PCDH15: variants seen among roughly 807,000 people sequenced by gnomAD.
The protein encoded by PCDH15 is protocadherin-15.
In PCDH15, 129 loss-of-function variants were observed where a neutral mutation model predicts 178.5. That is an observed-to-expected ratio of 0.72 (90% confidence interval 0.63 to 0.84). The LOEUF (loss-of-function observed/expected upper bound fraction) is 0.84. Ranked by LOEUF, PCDH15 falls within the 40% of genes least tolerant of loss-of-function variation. PCDH15 has a pLI of 0.00. For synonymous variants in PCDH15, 800 were observed against 732.0 expected, an observed-to-expected ratio of 1.09 and a Z score of -1.50; for missense variants, 2,230 against 2,099.9, an observed-to-expected ratio of 1.06 and a Z score of -1.21.
Position 55,547,910 on chromosome 10 carries a change from T to TGAGAGA in PCDH15, c.-156+79709_-156+79714dup, listed in dbSNP as rs763752387. 2.4e-3 allele frequency among the ~76,000 whole-genome samples: 129 copies of TGAGAGA among 54,492 alleles called. 2 individuals carry two copies. Among genetic ancestry groups the TGAGAGA allele is most frequent in the Admixed American group, 2.3e-3 (11 of 4,752 alleles). The allele number at this position is 54,492 out of a possible 152,430, so 35.7% of individuals were successfully genotyped here. Reference sequence around the variant, plus strand: ...TGGTGTGTGTGTCTGTGTGTGTGTGTGAGAGAGAGAGAGAGAGAGAGAGAG... The same window carrying TGAGAGA: ...TGGTGTGTGTGTCTGTGTGTGTGTGTGAGAGAGAGAGAGAGAGAGAGAGAGAGAGAG... On this transcript the variant is annotated intron_variant, in intron 2 of 5. Coordinates refer to the PCDH15 transcript ENST00000613346.
chr10:55,464,827 C>A (rs895668702), intron 2 of PCDH15, among the ~76,000 whole-genome samples: 3 of 149,560 alleles, frequency 2.0e-5, no homozygotes, highest in Admixed American at 6.7e-5. Flanking sequence ...TTCATTTTAA[C>A]CCTACTTGTG....
At chr10:54,852,471 G>T (rs1367326528) in intron 3 of PCDH15, among the ~76,000 whole-genome samples, 1 of 152,080 alleles carries the variant, frequency 6.6e-6, no homozygotes, top group African/African-American at 2.4e-5. Flanking sequence ...TTATAGAAAA[G>T]GTTTCCCAGA....
At chr10:55,115,681 A>G (rs941744215) in intron 2 of PCDH15, among the ~76,000 whole-genome samples, 1 of 152,168 alleles carries the variant, frequency 6.6e-6, no homozygotes, top group African/African-American at 2.4e-5. Context: ...TGGGGACTTT[A>G]TAACATTGAG....
At chr10:54,494,255 A>G (rs2079901153) in intron 3 of PCDH15, among the ~76,000 whole-genome samples, 1 of 151,826 alleles carries the variant, frequency 6.6e-6, no homozygotes. Context: ...AATAAAAAGA[A>G]ACTCCCCCAC....
chr10:55,500,457 G>A (rs1348246213), intron 2 of PCDH15, among the ~76,000 whole-genome samples: 1 of 151,800 alleles, frequency 6.6e-6, no homozygotes, highest in Non-Finnish European at 1.5e-5. Flanking sequence ...CCTATTGAGT[G>A]TTGAAGTAAT....
chr10:54,315,420 T>TTGTAATTTATTACAA, intron 8 of PCDH15, among the ~76,000 whole-genome samples: 1 of 152,304 alleles, frequency 6.6e-6, no homozygotes, highest in South Asian at 2.1e-4. Flanking sequence ...TCATAGATGC[T>TTGTAATTTATTACAA]GGATATTAGA....
intron 2 of PCDH15, among the ~76,000 whole-genome samples, chr10:55,388,367 T>G (rs1837711263): frequency 6.6e-6 from 1 of 151,996 alleles, no homozygotes; most frequent in Non-Finnish European, 1.5e-5. Context: ...TGTGCTTAAT[T>G]TTCATTAACA....
At chr10:55,238,950 C>T (rs1841467852) in intron 1 of PCDH15, among the ~76,000 whole-genome samples, 1 of 151,982 alleles carries the variant, frequency 6.6e-6, no homozygotes, top group African/African-American at 2.4e-5. Context: ...CTATTTTATT[C>T]ATTCTATATA....
intron 18 of PCDH15, among the ~76,000 whole-genome samples, chr10:54,035,983 C>A (rs1056290121): frequency 3.9e-5 from 6 of 151,900 alleles, no homozygotes; most frequent in Non-Finnish European, 2.9e-5. Flanking sequence ...CCACAACATT[C>A]CCGTAAGCCA....
intron 2 of PCDH15, among the ~76,000 whole-genome samples, chr10:55,411,489 CT>C (rs1838329977): frequency 6.6e-6 from 1 of 152,214 alleles, no homozygotes; most frequent in East Asian, 1.9e-4. Context: ...GGTATACTCT[CT>C]CCAAGGCATA....
rs1422718357 is a variant in PCDH15, at chr10:55,159,361, C to CTA, written c.-80+7213_-80+7214dup. Among the ~76,000 whole-genome samples the CTA allele has an allele frequency of 0.011, 23 of 2,050 alleles. No homozygotes were observed. The Admixed American group carries it at 0.14, about 13-fold the overall frequency. The allele number at this position is 2,050 out of a possible 152,430, so 1.3% of individuals were successfully genotyped here. A position where few individuals can be genotyped will look rare whatever the true frequency, so the allele number is the denominator to read the frequency against. ...TTACCATATCTATCTATCTATCTATCTATCTATCTATATATATATATATAT... is the reference window on the plus strand; with the variant it reads ...TTACCATATCTATCTATCTATCTATCTATATCTATCTATATATATATATATAT... On this transcript the variant is annotated intron_variant, in intron 2 of 5. Coordinates refer to the PCDH15 transcript ENST00000458638.
At chr10:55,156,043 G>A (rs1443192174) in intron 2 of PCDH15, among the ~76,000 whole-genome samples, 2 of 152,040 alleles carry the variant, frequency 1.3e-5, no homozygotes, top group Admixed American at 6.6e-5. Flanking sequence ...GGAAACCCAC[G>A]AAGAGAACAA....
intron 4 of PCDH15, among the ~76,000 whole-genome samples, chr10:54,374,783 T>C (rs1048913160): frequency 3.3e-5 from 5 of 151,992 alleles, no homozygotes; most frequent in Admixed American, 6.6e-5. Flanking sequence ...TATAAAACAG[T>C]TCATAGTCAT....
At chr10:53,882,659 G>A (rs1021678444) in intron 26 of PCDH15, among the ~76,000 whole-genome samples, 3 of 152,164 alleles carry the variant, frequency 2.0e-5, no homozygotes, top group Non-Finnish European at 4.4e-5. Flanking sequence ...CACCGTGCCT[G>A]ACCCCAACTG....
At position 54,697,021 on chromosome 10, in the gene PCDH15, C is replaced by T. The variant is rs553401073; in HGVS notation, c.-28-32731G>A. On this transcript the variant is annotated intron_variant, in intron 1 of 37. Coordinates refer to ENST00000644397, the MANE Select transcript of PCDH15 (RefSeq NM_001384140.1). ...GACTCAGATTCCTGGGGATCAAGCACTCCTTGGCCTCCTGTGTAGCTGGGA... is the reference window on the plus strand; with the variant it reads ...GACTCAGATTCCTGGGGATCAAGCATTCCTTGGCCTCCTGTGTAGCTGGGA... 7.9e-5 allele frequency among the ~76,000 whole-genome samples: 12 copies of T among 152,218 alleles called. No individual in the cohort carries two copies. In the South Asian group the frequency reaches 1.9e-3, roughly 24 times the overall value.
chr10:53,871,451 C>CGTGT (rs71461208), intron 26 of PCDH15, among the ~76,000 whole-genome samples: 5,921 of 146,790 alleles, frequency 0.04, 125 homozygotes, highest in South Asian at 0.053. Context: ...TATATTCATA[C>CGTGT]GTGTGTGTGT....
intron 2 of PCDH15, chr10:54,528,311 G>A (rs1181466370): frequency 6.0e-6 from 8 of 1,341,568 alleles, no homozygotes; most frequent in African/African-American, 1.5e-5. Flanking sequence ...TTTTAATAAT[G>A]TTCTAAAGAG....
intron 2 of PCDH15, among the ~76,000 whole-genome samples, chr10:55,397,310 T>C (rs569430519): frequency 6.6e-6 from 1 of 152,158 alleles, no homozygotes; most frequent in South Asian, 2.1e-4. Flanking sequence ...ATTTTTGCAC[T>C]TATGTTCAAT....
At chr10:54,320,566 G>A (rs184878578) in intron 7 of PCDH15, among the ~76,000 whole-genome samples, 21 of 124,532 alleles carry the variant, frequency 1.7e-4, no homozygotes, top group Admixed American at 7.1e-4. Context: ...TAAAATAAGC[G>A]TATGTGTATA....
Sources: allele counts gnomAD v4.1 joint callset (sites outside exome capture counted in the v4.1 genomes callset), GRCh38; gene constraint gnomAD v4.1.1; transcripts MANE v1.5; gene names NCBI Gene and HGNC (gene_info 2026-07-23, HGNC 2026-07-21).